Variants in EEF1AKMT3 observed in about 807,000 individuals in gnomAD.
The protein encoded by EEF1AKMT3 is EEF1A lysine methyltransferase 3.
Under a neutral mutation model 17.8 loss-of-function variants are expected in EEF1AKMT3, and 17 were observed. The ratio of observed to expected loss-of-function variants is 0.96; its 90% CI spans 0.65 to 1.43. The LOEUF is 1.43. Among genes scored for constraint, EEF1AKMT3 ranks in the 40% most tolerant of loss-of-function variants. The probability of loss-of-function intolerance (pLI) is 0.00; values close to 1 mark genes in which losing one functional copy is unlikely to be tolerated. For synonymous variants in EEF1AKMT3, 116 were observed against 126.5 expected, an observed-to-expected ratio of 0.92 and a Z score of 0.56; for missense variants, 244 against 285.8, an observed-to-expected ratio of 0.85 and a Z score of 1.06.
rs1421479753 is a variant in EEF1AKMT3 at position 57,772,737 on chromosome 12, G to A, written c.13G>A (p.Gly5Ser). The change falls in exon 1 of 3, where the codon GGC becomes AGC. Residue 5 changes from glycine (G) to serine (S), a missense_variant. Gly to Ser is a moderately conservative substitution (Grantham distance 56, BLOSUM62 0). Coordinates refer to ENST00000300209, the MANE Select transcript of EEF1AKMT3 (RefSeq NM_015433.3). The surrounding 1 kb of genome is among the most constrained non-coding windows in gnomAD (Gnocchi z 4.1). Reference protein sequence around the residue: MADPGPDPESESESV... With the variant: MADPSPDPESESESV... ...CTTGGCGGGCCGGATGGCGGACCCC[G>A]GCCCAGATCCCGAATCTGAGTCGGA... The A allele has an allele frequency of 1.2e-6, 2 of 1,613,142 alleles. No individual in the cohort carries two copies. The highest frequency in any genetic ancestry group is 1.1e-5 in the South Asian group (1 of 91,012).
intron 2 of EEF1AKMT3, among the ~76,000 whole-genome samples, chr12:57,778,833 T>G (rs958041910): frequency 5.3e-5 from 8 of 152,176 alleles, no homozygotes; most frequent in Non-Finnish European, 1.2e-4. Flanking sequence ...GCAGCCAGCA[T>G]GCTCCTCCTA....
intron 2 of EEF1AKMT3, 54 bp from the exon 3 acceptor site, chr12:57,780,201 A>T: frequency 6.3e-7 from 1 of 1,594,548 alleles, no homozygotes; most frequent in Non-Finnish European, 8.5e-7. Flanking sequence ...GCAGGAGCCA[A>T]GAACCCTTGG....
Position 57,780,465 on chromosome 12 carries a change from AAC to A in EEF1AKMT3, c.503_504del (p.His168ProfsTer41). The A allele has an allele frequency of 6.2e-7, 1 of 1,614,228 alleles. No individual in the cohort carries two copies. Among genetic ancestry groups the A allele is most frequent in the South Asian group, 1.1e-5 (1 of 91,090 alleles). Reference sequence around the variant, plus strand: ...TTCCCTCTGCTGCTGGGGACCCTCCAACACCTGTGCAGGCCCCATGGCACCAT... The same window carrying A: ...TTCCCTCTGCTGCTGGGGACCCTCCAACCTGTGCAGGCCCCATGGCACCAT... On this transcript the variant is annotated frameshift_variant, in exon 3 of 3. Coordinates refer to ENST00000300209, the MANE Select transcript of EEF1AKMT3 (RefSeq NM_015433.3). LOFTEE classifies it high-confidence loss of function.
chr12:57,774,369 A>G (rs541088666), intron 2 of EEF1AKMT3, among the ~76,000 whole-genome samples: 57 of 152,322 alleles, frequency 3.7e-4, no homozygotes, highest in African/African-American at 1.4e-3. Context: ...AATCTCAGCT[A>G]CTTGGGAGGC....
In EEF1AKMT3 at chr12:57,772,700, C is replaced by T. The variant is rs1041482607; in HGVS notation, c.-25C>T. ...CGGGATCTGAGCGCCGGCCGCGGTG[C>T]CCAGGCACTCCCTTGGCGGGCCGGA... On this transcript the variant is annotated 5_prime_UTR_variant, in exon 1 of 3. Coordinates refer to ENST00000300209, the MANE Select transcript of EEF1AKMT3 (RefSeq NM_015433.3). This position sits in a 1 kb window ranked among gnomAD's most constrained non-coding sequence, Gnocchi z 4.1. The T allele has an allele frequency of 6.2e-7, 1 of 1,600,978 alleles. No homozygotes were observed. Among genetic ancestry groups the T allele is most frequent in the Non-Finnish European group, 8.5e-7 (1 of 1,173,190 alleles).
chr12:57,778,135 C>G (rs1955491342), intron 2 of EEF1AKMT3, among the ~76,000 whole-genome samples: 1 of 151,510 alleles, frequency 6.6e-6, no homozygotes, highest in Non-Finnish European at 1.5e-5. Context: ...ATGTGGTTGT[C>G]TGATGTGATA....
chr12:57,780,168 T>C, intron 2 of EEF1AKMT3, 87 bp from the exon 3 acceptor site: 1 of 1,525,162 alleles, frequency 6.6e-7, no homozygotes, highest in Non-Finnish European at 8.9e-7. Context: ...TCCTCTATGC[T>C]CTGAGGTCTC....
chr12:57,780,421 C>G lies in EEF1AKMT3; in HGVS notation c.456C>G (p.Ile152Met), dbSNP rs766613478. 1 of 1,614,190 alleles carries G rather than the reference C, an allele frequency of 6.2e-7. No individual in the cohort carries two copies. ...ATGACCTGGTGCTGGGGGCTGATATCGTGTACCTGGAACCCACCTTCCCTC... is the reference window on the plus strand; with the variant it reads ...ATGACCTGGTGCTGGGGGCTGATATGGTGTACCTGGAACCCACCTTCCCTC... Reference protein sequence around the residue: ...ANYDLVLGADIVYLEPTFPLL... With the variant: ...ANYDLVLGADMVYLEPTFPLL... Residue 152 changes from isoleucine (I) to methionine (M), a missense_variant, in exon 3 of 3, where the codon ATC (isoleucine) becomes ATG (methionine). Transcript: ENST00000300209.
At chr12:57,779,502 T>C (rs889496835) in intron 2 of EEF1AKMT3, among the ~76,000 whole-genome samples, 2 of 152,160 alleles carry the variant, frequency 1.3e-5, no homozygotes, top group Non-Finnish European at 1.5e-5. Context: ...ATAGTCATCA[T>C]GATTATGATG....
chr12:57,774,772 G>A, intron 2 of EEF1AKMT3: 1 of 1,603,790 alleles, frequency 6.2e-7, no homozygotes, highest in Non-Finnish European at 8.5e-7. Context: ...TGTCAGGTGA[G>A]GAGGAGGTGA....
intron 2 of EEF1AKMT3, among the ~76,000 whole-genome samples, chr12:57,778,970 C>CT (rs1399405272): frequency 1.3e-5 from 2 of 152,164 alleles, no homozygotes; most frequent in African/African-American, 4.8e-5. Flanking sequence ...AGCGATTCTC[C>CT]TGCCTCAGCC....
chr12:57,778,303 T>TC, intron 2 of EEF1AKMT3, among the ~76,000 whole-genome samples: 1 of 125,468 alleles, frequency 8.0e-6, no homozygotes, highest in Admixed American at 8.6e-5. Flanking sequence ...CTTTTTTTTT[T>TC]TTTTTGAGAC....
chr12:57,778,019 C>CAAAAAAA (rs35823549), intron 2 of EEF1AKMT3, among the ~76,000 whole-genome samples: 5 of 85,448 alleles, frequency 5.9e-5, no homozygotes, highest in Non-Finnish European at 9.0e-5. Flanking sequence ...GACTCCATCT[C>CAAAAAAA]AAAAAAAAAA....
intron 2 of EEF1AKMT3, among the ~76,000 whole-genome samples, chr12:57,776,773 T>C (rs9652011): frequency 0.33 from 50,110 of 151,826 alleles, 8,778 homozygotes; most frequent in East Asian, 0.66. Context: ...GTCTCAGCCT[T>C]CCAAGTAGCT....
rs772505709 is a variant in EEF1AKMT3 at position 57,780,462 on chromosome 12, TC to T, written c.499del (p.Gln167AsnfsTer16). ...ACCTTCCCTCTGCTGCTGGGGACCC[TC>T]CAACACCTGTGCAGGCCCCATGGCA... Reference protein sequence around the residue: ...EPTFPLLLGTLQHLCRPHGTI... With the variant: ...EPTFPLLLGTXQHLCRPHGTI... On this transcript the variant is annotated frameshift_variant, in exon 3 of 3. Coordinates refer to ENST00000300209, the MANE Select transcript of EEF1AKMT3 (RefSeq NM_015433.3). LOFTEE classifies it high-confidence loss of function. 1.2e-6 allele frequency: 2 copies of T among 1,614,138 alleles called. No homozygotes were observed. Among genetic ancestry groups the T allele is most frequent in the Admixed American group, 3.3e-5 (2 of 60,010 alleles).
Position 57,780,760 on chromosome 12 carries a change from C to T in EEF1AKMT3, c.*114C>T. 2 of 1,379,718 alleles carry T rather than the reference C, an allele frequency of 1.4e-6. No individual in the cohort carries two copies. Among genetic ancestry groups the T allele is most frequent in the East Asian group, 2.4e-5 (1 of 41,932 alleles). 85.5% of individuals were successfully genotyped at this position (1,379,718 alleles called of 1,614,324 possible). On this transcript the variant is annotated 3_prime_UTR_variant, in exon 3 of 3. Transcript: ENST00000300209. The stretch of plus-strand genomic sequence containing the variant: ...GACCAAAAAGGATGGATTTCCCTGG[C>T]CTCTCTCACTTTCCTCCTTCCCTCT...
At chr12:57,774,827 C>G (rs532512583) in intron 2 of EEF1AKMT3, 3 of 1,500,718 alleles carry the variant, frequency 2.0e-6, no homozygotes, top group Non-Finnish European at 2.7e-6. Context: ...GGGTGCCGGC[C>G]GGGCTCGGTG....
rs201923510 is a variant in EEF1AKMT3, at chr12:57,773,028, G to A, written c.189G>A (p.Leu63=). 29 of 1,614,182 alleles carry A rather than the reference G, an allele frequency of 1.8e-5. No homozygotes were observed. The highest frequency in any genetic ancestry group is 2.1e-5 in the Non-Finnish European group (25 of 1,180,038). The change falls in exon 2 of 3, where the codon CTG becomes CTA. Residue 63 remains leucine (L), a synonymous_variant. Transcript: ENST00000300209. ...AARVWDAALS[L]CNYFESQNVD... ...CTTTTCTCCCGTAGGCCCTGAGCCT[G>A]TGCAATTATTTCGAGAGTCAAAATG...
rs979733418 is a variant in EEF1AKMT3, at chr12:57,774,828, G to A, written c.289+1700G>A. 2.0e-5 allele frequency: 30 copies of A among 1,493,234 alleles called. No individual in the cohort carries two copies. In the South Asian group the frequency reaches 3.2e-4, roughly 16 times the overall value. The allele number at this position is 1,493,234 out of a possible 1,614,324, so 92.5% of individuals were successfully genotyped here. On this transcript the variant is annotated intron_variant, in intron 2 of 2. Transcript: ENST00000300209. ...TCAGAAACACTGGAGGGTGCCGGCC[G>A]GGCTCGGTGGCTCATGCCTATAATC... is the stretch of plus-strand genomic sequence containing the variant.
Sources: allele counts gnomAD v4.1 joint callset (sites outside exome capture counted in the v4.1 genomes callset), GRCh38; gene constraint gnomAD v4.1.1; non-coding constraint Gnocchi (gnomAD v3.1); transcripts MANE v1.5; gene names NCBI Gene and HGNC (gene_info 2026-07-23, HGNC 2026-07-21).